Variants in VLDLR observed in about 807,000 individuals in gnomAD.
VLDLR encodes the protein very low-density lipoprotein receptor.
A neutral mutation model predicts 112.7 loss-of-function variants in VLDLR; 81 were observed. The observed-to-expected ratio is 0.72, with a 90% CI of 0.60 to 0.86. The LOEUF (loss-of-function observed/expected upper bound fraction) is 0.86. Ranked by LOEUF, VLDLR falls within the 40% of genes least tolerant of loss-of-function variation. The probability of loss-of-function intolerance (pLI) is 0.00; values close to 1 mark genes in which losing one functional copy is unlikely to be tolerated. For missense variants in VLDLR, 1,237 were observed against 1,099.4 expected (o/e 1.13, Z -1.77); for synonymous variants, 436 against 384.8 (o/e 1.13, Z -1.56).
chr9:2,647,583 A>G lies in VLDLR; in HGVS notation c.1813A>G (p.Ile605Val). ...AGCGGATATCCAGTGGCCTAACGGA[A>G]TTACACTTGGTATGTATGTTCTTCC... is the stretch of plus-strand genomic sequence containing the variant. Reference protein sequence around the residue: ...VTADIQWPNGITLDLIKSRLY... With the variant: ...VTADIQWPNGVTLDLIKSRLY... The change falls in exon 12 of 19, where the codon ATT becomes GTT. Residue 605 changes from isoleucine (I) to valine (V), a missense_variant. By Grantham distance (29) the Ile-to-Val change is conservative. Transcript: ENST00000382100. 1 of 1,613,352 alleles carries G rather than the reference A, an allele frequency of 6.2e-7. No homozygotes were observed. The highest frequency in any genetic ancestry group is 1.1e-5 in the South Asian group (1 of 91,070).
In VLDLR at chr9:2,658,585, G is replaced by C. The variant is rs1442232935; in HGVS notation, c.*4717G>C. 6.6e-6 allele frequency: 1 copy of C among 152,196 alleles called. No individual in the cohort carries two copies. Among genetic ancestry groups the C allele is most frequent in the Non-Finnish European group, 1.5e-5 (1 of 68,028 alleles). The allele number at this position is 152,196 out of a possible 1,614,324, so 9.4% of individuals were successfully genotyped here. A position where few individuals can be genotyped will look rare whatever the true frequency, so the allele number is the denominator to read the frequency against. On this transcript the variant is annotated 3_prime_UTR_variant, in exon 19 of 19. Coordinates refer to ENST00000382100, the MANE Select transcript of VLDLR (RefSeq NM_003383.5). ...TTAACAGCATAGACTTCCGTGTCTT[G>C]TGTGTGGTACCTTGGGCAAGTTACT...
intron 14 of VLDLR, among the ~76,000 whole-genome samples, chr9:2,650,107 ACCT>A (rs750255429): frequency 7.9e-5 from 12 of 151,858 alleles, no homozygotes; most frequent in Non-Finnish European, 1.8e-4. Flanking sequence ...TCCCTTCCCC[ACCT>A]CCTCTTTTGG....
chr9:2,635,639 AT>A, intron 2 of VLDLR, 67 bp downstream of exon 2: 1 of 1,606,870 alleles, frequency 6.2e-7, no homozygotes, highest in South Asian at 1.1e-5. Context: ...CTGCAAATGT[AT>A]TGAGATTCTG....
Position 2,648,529 on chromosome 9 carries a change from CT to C in VLDLR, c.1963-136del, listed in dbSNP as rs1240853360. 4 of 1,527,526 alleles carry C rather than the reference CT, an allele frequency of 2.6e-6. No homozygotes were observed. The Admixed American group carries it at 6.7e-5, about 26-fold the overall frequency. The allele number at this position is 1,527,526 out of a possible 1,614,324, so 94.6% of individuals were successfully genotyped here. A position where few individuals can be genotyped will look rare whatever the true frequency, so the allele number is the denominator to read the frequency against. Reference sequence around the variant, plus strand: ...AAGCACTCCACACCTAAACTTGATTCTTTTACAGTTTTATATCCAGTGTCCC... The same window carrying C: ...AAGCACTCCACACCTAAACTTGATTCTTTACAGTTTTATATCCAGTGTCCC... On this transcript the variant is annotated intron_variant, in intron 13 of 18. Coordinates refer to ENST00000382100, the MANE Select transcript of VLDLR (RefSeq NM_003383.5).
In VLDLR at chr9:2,648,722, A is replaced by G. The variant is rs768899992; in HGVS notation, c.2016A>G (p.Lys672=). 3.1e-6 allele frequency: 5 copies of G among 1,614,048 alleles called. No homozygotes were observed. The highest frequency in any genetic ancestry group is 4.2e-6 in the Non-Finnish European group (5 of 1,180,046). ...ATGAAGCAGTCTATGGTGCCAATAA[A>G]TTCACTGGATCAGAGCTAGCCACTC... The part of the protein sequence containing the change: ...GENEAVYGAN[K]FTGSELATLV... Residue 672 remains lysine (K), a synonymous_variant, in exon 14 of 19, where the codon AAA becomes AAG. Transcript: ENST00000382100.
At chr9:2,633,031 G>GGAGAGAGAGAGAGAGAGA (rs71329438) in intron 1 of VLDLR, among the ~76,000 whole-genome samples, 2 of 138,602 alleles carry the variant, frequency 1.4e-5, no homozygotes, top group African/African-American at 5.5e-5. Context: ...ACTCCTTATT[G>GGAGAGAGAGAGAGAGAGA]GAGAGAGAGA....
rs575652450 is a variant in VLDLR at position 2,651,907 on chromosome 9, G to C, written c.2369G>C (p.Ser790Thr). ...INVTTAVSEV[S>T]VPPKGTSAAW... ...GTGACCACAGCAGTATCAGAGGTCAGTGTTCCCCCAAAAGGGACTTCTGCC... is the reference window on the plus strand; with the variant it reads ...GTGACCACAGCAGTATCAGAGGTCACTGTTCCCCCAAAAGGGACTTCTGCC... The change falls in exon 17 of 19, where the codon AGT (serine) becomes ACT (threonine). Residue 790 changes from serine (S) to threonine (T), a missense_variant. By Grantham distance (58) the Ser-to-Thr change is moderately conservative. Transcript: ENST00000382100. The C allele has an allele frequency of 5.6e-6, 9 of 1,614,024 alleles. No homozygotes were observed. In the East Asian group the frequency reaches 6.7e-5, roughly 12 times the overall value.
intron 11 of VLDLR, among the ~76,000 whole-genome samples, 176 bp from the exon 12 acceptor site, chr9:2,647,298 G>C (rs564737829): frequency 6.6e-6 from 1 of 152,316 alleles, no homozygotes; most frequent in Admixed American, 6.5e-5. Context: ...TGAGCTTGTA[G>C]ATTCTTAATA....
In VLDLR at chr9:2,643,407, G is replaced by T. The variant is rs928894534; in HGVS notation, c.696G>T (p.Gln232His). 2.5e-6 allele frequency: 4 copies of T among 1,614,068 alleles called. No homozygotes were observed. The highest frequency in any genetic ancestry group is 2.5e-6 in the Non-Finnish European group (3 of 1,180,042). Residue 232 changes from glutamine (Q) to histidine (H), a missense_variant, in exon 5 of 19, where the codon CAG (glutamine) becomes CAT (histidine). By Grantham distance (24) the Gln-to-His change is conservative (BLOSUM62 0). Transcript: ENST00000382100. ...AGTCCCTGGAGCAGTGTGGCCGTCA[G>T]CCAGTCATACACACCAAGTGTCCAG... is the stretch of plus-strand genomic sequence containing the variant. ...SDESLEQCGRQPVIHTKCPAS... is the reference protein window; with the variant it reads ...SDESLEQCGRHPVIHTKCPAS...
In VLDLR at chr9:2,645,054, T is replaced by C. The variant is rs1563760678; in HGVS notation, c.1284T>C (p.Asp428=). The change falls in exon 9 of 19, where the codon GAT becomes GAC. Residue 428 remains aspartate (D), a synonymous_variant. Transcript: ENST00000382100. Reference sequence around the variant, plus strand: ...AATGTAGTCGTGGCTATCAAATGGATCTTGCTACTGGCGTGTGCAAGGCAG... The same window carrying C: ...AATGTAGTCGTGGCTATCAAATGGACCTTGCTACTGGCGTGTGCAAGGCAG... ...KCECSRGYQM[D]LATGVCKAVG... is the part of the protein sequence containing the mutation. 1 of 1,614,116 alleles carries C rather than the reference T, an allele frequency of 6.2e-7. No homozygotes were observed. Among genetic ancestry groups the C allele is most frequent in the Non-Finnish European group, 8.5e-7 (1 of 1,180,046 alleles).
intron 2 of VLDLR, among the ~76,000 whole-genome samples, chr9:2,636,615 C>T (rs1403371694): frequency 6.6e-6 from 1 of 152,204 alleles, no homozygotes; most frequent in Non-Finnish European, 1.5e-5. Flanking sequence ...AAAGTCCATT[C>T]TACCATCTCA....
At chr9:2,632,636 G>C (rs1453827417) in intron 1 of VLDLR, among the ~76,000 whole-genome samples, 1 of 152,206 alleles carries the variant, frequency 6.6e-6, no homozygotes, top group Admixed American at 6.5e-5. Context: ...TTCTCCTAGA[G>C]CTCTGCACAG....
At position 2,640,554 on chromosome 9, in the gene VLDLR, C is replaced by G. The variant is rs77496870; in HGVS notation, c.325+573C>G. Among the ~76,000 whole-genome samples the G allele has an allele frequency of 4.1e-3, 625 of 152,182 alleles. 6 individuals carry two copies. Among genetic ancestry groups the G allele is most frequent in the Non-Finnish European group, 4.3e-3 (290 of 67,998 alleles). On this transcript the variant is annotated intron_variant, in intron 3 of 18. Transcript: ENST00000382100. ...TATACCTGTGTCCTTAGGAAAAAGT[C>G]TATGAGACCATAAAGAATGATGGTT...
intron 10 of VLDLR, 110 bp downstream of exon 10, chr9:2,645,855 C>G (rs948064565): frequency 4.0e-6 from 5 of 1,252,038 alleles, no homozygotes; most frequent in Non-Finnish European, 5.8e-6. Flanking sequence ...CATCTAGCAT[C>G]GAATTACCTG....
At chr9:2,640,286 ATAACT>A (rs1817769935) in intron 3 of VLDLR, among the ~76,000 whole-genome samples, 1 of 152,240 alleles carries the variant, frequency 6.6e-6, no homozygotes. Context: ...TCTGTTTATA[ATAACT>A]GAGCAGATGG....
intron 14 of VLDLR, among the ~76,000 whole-genome samples, chr9:2,649,107 C>G (rs1158159469): frequency 3.3e-5 from 5 of 152,168 alleles, no homozygotes; most frequent in African/African-American, 1.2e-4. Context: ...ATTGCAGTAG[C>G]CTCCAAAGTA....
Position 2,635,582 on chromosome 9 carries a change from G to C in VLDLR, c.202+10G>C. The C allele has an allele frequency of 6.2e-7, 1 of 1,613,950 alleles. No homozygotes were observed. The highest frequency in any genetic ancestry group is 8.5e-7 in the Non-Finnish European group (1 of 1,179,842). On this transcript the variant is annotated intron_variant, in intron 2 of 18. Transcript: ENST00000382100. ...GATGAAAAGAACTGTGGTAAGTAAAGAGTTTGATGACTTATGCATTTTGTT... is the reference window on the plus strand; with the variant it reads ...GATGAAAAGAACTGTGGTAAGTAAACAGTTTGATGACTTATGCATTTTGTT...
chr9:2,624,405 C>A (rs979688938), intron 1 of VLDLR, among the ~76,000 whole-genome samples: 20 of 152,174 alleles, frequency 1.3e-4, no homozygotes, highest in African/African-American at 4.6e-4. Flanking sequence ...TGGTGCTGTT[C>A]CACAATACTC....
At position 2,653,921 on chromosome 9, in the gene VLDLR, G is replaced by T; in HGVS notation, c.*53G>T. On this transcript the variant is annotated 3_prime_UTR_variant, in exon 19 of 19. Coordinates refer to ENST00000382100, the MANE Select transcript of VLDLR (RefSeq NM_003383.5). ...GTCTAAACAAATAATACCCCCGTCGGAATGGTAACCGAGCCAGCAGCTGAA... is the reference window on the plus strand; with the variant it reads ...GTCTAAACAAATAATACCCCCGTCGTAATGGTAACCGAGCCAGCAGCTGAA... 1 of 1,595,234 alleles carries T rather than the reference G, an allele frequency of 6.3e-7. No individual in the cohort carries two copies. The highest frequency in any genetic ancestry group is 1.1e-5 in the South Asian group (1 of 90,632).
Sources: allele counts gnomAD v4.1 joint callset (sites outside exome capture counted in the v4.1 genomes callset), GRCh38; gene constraint gnomAD v4.1.1; transcripts MANE v1.5; gene names NCBI Gene and HGNC (gene_info 2026-07-23, HGNC 2026-07-21).